The following PRPF38A variants were observed in gnomAD, a reference collection of about 807,000 sequenced individuals.
The protein encoded by PRPF38A is pre-mRNA processing factor 38A, also known as pre-mRNA-splicing factor 38A.
A neutral mutation model predicts 46.8 loss-of-function variants in PRPF38A; 11 were observed. The ratio of observed to expected loss-of-function variants is 0.24; its 90% CI spans 0.15 to 0.39. The LOEUF (loss-of-function observed/expected upper bound fraction) is 0.39, where lower values mean the gene tolerates loss of function less well. Ranked by LOEUF, PRPF38A falls within the 10% of genes least tolerant of loss-of-function variation. PRPF38A has a pLI of 1.00. For synonymous variants in PRPF38A, 124 were observed against 136.2 expected, an observed-to-expected ratio of 0.91 and a Z score of 0.62; for missense variants, 261 against 407.5, an observed-to-expected ratio of 0.64 and a Z score of 3.10.
rs548579850 is a variant in PRPF38A, at chr1:52,409,304, A to G, written c.412+614A>G. ...TACCTTTCCCCCTACATGTATCATT[A>G]AACAGTAGAAGGTTAAGAATTTGGG... On this transcript the variant is annotated intron_variant, in intron 3 of 9. Coordinates refer to ENST00000257181, the MANE Select transcript of PRPF38A (RefSeq NM_032864.4). Among the ~76,000 whole-genome samples the G allele has an allele frequency of 4.6e-5, 7 of 152,356 alleles. No homozygotes were observed. The East Asian group carries it at 1.3e-3, about 29-fold the overall frequency.
At chr1:52,405,399 C>A (rs573540106) in intron 1 of PRPF38A, among the ~76,000 whole-genome samples, 5 of 152,194 alleles carry the variant, frequency 3.3e-5, no homozygotes, top group Non-Finnish European at 7.3e-5. Flanking sequence ...CCTTTCTTAG[C>A]CCTCATTTTC....
At chr1:52,410,105 TATAC>T (rs1474766822) in intron 3 of PRPF38A, among the ~76,000 whole-genome samples, 6 of 148,356 alleles carry the variant, frequency 4.0e-5, no homozygotes, top group East Asian at 1.9e-4. Flanking sequence ...AATATATAAA[TATAC>T]ATAATCATAT....
chr1:52,405,219 T>A (rs1218217402), intron 1 of PRPF38A, among the ~76,000 whole-genome samples: 1 of 152,248 alleles, frequency 6.6e-6, no homozygotes, highest in East Asian at 1.9e-4. Context: ...GACCTAACGT[T>A]AATATGCCTG....
At chr1:52,409,408 T>C (rs1157929130) in intron 3 of PRPF38A, 2 of 152,276 alleles carry the variant, frequency 1.3e-5, no homozygotes, top group East Asian at 3.9e-4. Flanking sequence ...GTCAGGAGTT[T>C]GAGACCAGCC....
In PRPF38A at chr1:52,411,284, C is replaced by T; in HGVS notation, c.498+84C>T. 5 of 945,654 alleles carry T rather than the reference C, an allele frequency of 5.3e-6. No individual in the cohort carries two copies. The South Asian group carries it at 7.0e-5, about 13-fold the overall frequency. The allele number at this position is 945,654 out of a possible 1,614,324, so 58.6% of individuals were successfully genotyped here. On this transcript the variant is annotated intron_variant, in intron 4 of 9. Coordinates refer to ENST00000257181, the MANE Select transcript of PRPF38A (RefSeq NM_032864.4). Reference sequence around the variant, plus strand: ...CAAACACATACACACAGCTTAAACACTGAAGCCTGTGGATCTTATGGGTCC... The same window carrying T: ...CAAACACATACACACAGCTTAAACATTGAAGCCTGTGGATCTTATGGGTCC...
At chr1:52,415,305 TAGGA>T in intron 8 of PRPF38A, 29 bp from the exon 9 acceptor site, 5 of 1,607,172 alleles carry the variant, frequency 3.1e-6, no homozygotes, top group Non-Finnish European at 4.3e-6. Flanking sequence ...AGTAGAAGGG[TAGGA>T]TCTTATGCAA....
chr1:52,406,683 C>T (rs1009734731), intron 2 of PRPF38A, among the ~76,000 whole-genome samples: 6 of 152,170 alleles, frequency 3.9e-5, no homozygotes, highest in African/African-American at 1.4e-4. Context: ...ACCGTATTAC[C>T]GATTCTCGAG....
At position 52,412,569 on chromosome 1, in the gene PRPF38A, A is replaced by T. The variant is rs1648174759; in HGVS notation, c.554A>T (p.Glu185Val). The T allele has an allele frequency of 6.2e-7, 1 of 1,613,752 alleles. No individual in the cohort carries two copies. The highest frequency in any genetic ancestry group is 1.1e-5 in the South Asian group (1 of 91,082). The change falls in exon 5 of 10, where the codon GAA becomes GTA. Residue 185 changes from glutamate (E) to valine (V), a missense_variant. By Grantham distance (121) the Glu-to-Val change is moderately radical. Around this residue, in one of 2 missense-constraint regions of PRPF38A, gnomAD observed 180 missense variants for 221.0 expected, o/e 0.81. Coordinates refer to ENST00000257181, the MANE Select transcript of PRPF38A (RefSeq NM_032864.4). ...CTGGAGCCTCGAGTTAGTGCTCTGG[A>T]AGAGGACATGGATGATGTGGAGTCC... Reference protein sequence around the residue: ...EQLEPRVSALEEDMDDVESSE... With the variant: ...EQLEPRVSALVEDMDDVESSE...
At position 52,419,581 on chromosome 1, in the gene PRPF38A, TG is replaced by T. The variant is rs1350521642; in HGVS notation, c.*2892del. The T allele has an allele frequency of 6.6e-6, 1 of 151,018 alleles. No homozygotes were observed. The highest frequency in any genetic ancestry group is 2.4e-5 in the African/African-American group (1 of 41,010). 9.4% of individuals were successfully genotyped at this position (151,018 alleles called of 1,614,324 possible). On this transcript the variant is annotated 3_prime_UTR_variant, in exon 10 of 10. Coordinates refer to ENST00000257181, the MANE Select transcript of PRPF38A (RefSeq NM_032864.4). The stretch of plus-strand genomic sequence containing the variant: ...ACCTGCTCAAAAAAGACAGCAGACA[TG>T]ATCTCTTTAAAAAAAAAAAGTTCAA...
chr1:52,408,484 A>G, intron 2 of PRPF38A, 85 bp from the exon 3 acceptor site: 2 of 1,561,920 alleles, frequency 1.3e-6, no homozygotes, highest in Non-Finnish European at 1.8e-6. Flanking sequence ...GAACATGTTT[A>G]TCCACTACTG....
chr1:52,408,143 G>C (rs1473090799), intron 2 of PRPF38A: 2 of 315,598 alleles, frequency 6.3e-6, no homozygotes, highest in African/African-American at 4.4e-5. Context: ...TGGAGGCTGA[G>C]GCATGAGAAT....
In PRPF38A at chr1:52,416,863, T is replaced by A; in HGVS notation, c.*173T>A. On this transcript the variant is annotated 3_prime_UTR_variant, in exon 10 of 10. Coordinates refer to ENST00000257181, the MANE Select transcript of PRPF38A (RefSeq NM_032864.4). ...GGTGCTGAGTTTTGTATCTTTTTAATCATAATCAACATCAGTTTTTGACCC... is the reference window on the plus strand; with the variant it reads ...GGTGCTGAGTTTTGTATCTTTTTAAACATAATCAACATCAGTTTTTGACCC... 1 of 623,602 alleles carries A rather than the reference T, an allele frequency of 1.6e-6. No homozygotes were observed. The allele number at this position is 623,602 out of a possible 1,614,324, so 38.6% of individuals were successfully genotyped here.
In PRPF38A at chr1:52,419,202, C is replaced by T. The variant is rs1010728669; in HGVS notation, c.*2512C>T. Reference sequence around the variant, plus strand: ...GAAACCCTGTCTCTACTAAAAAATACAAAATTAGCCGGGCATGGTGGCGCA... The same window carrying T: ...GAAACCCTGTCTCTACTAAAAAATATAAAATTAGCCGGGCATGGTGGCGCA... On this transcript the variant is annotated 3_prime_UTR_variant, in exon 10 of 10. Coordinates refer to ENST00000257181, the MANE Select transcript of PRPF38A (RefSeq NM_032864.4). The T allele has an allele frequency of 5.3e-5, 8 of 152,044 alleles. No homozygotes were observed. Among genetic ancestry groups the T allele is most frequent in the African/African-American group, 1.4e-4 (6 of 41,386 alleles). 9.4% of individuals were successfully genotyped at this position (152,044 alleles called of 1,614,324 possible).
chr1:52,410,645 G>A (rs1648123360), intron 3 of PRPF38A, among the ~76,000 whole-genome samples: 1 of 151,708 alleles, frequency 6.6e-6, no homozygotes, highest in Non-Finnish European at 1.5e-5. Context: ...GGGATTACAT[G>A]TGCCCACCAC....
chr1:52,412,773 G>T (rs1046471252), intron 5 of PRPF38A, 149 bp downstream of exon 5: 4 of 570,512 alleles, frequency 7.0e-6, no homozygotes, highest in Non-Finnish European at 1.2e-5. Flanking sequence ...GCCAAGGCGA[G>T]TGGATGACCA....
rs1297634284 is a variant in PRPF38A at position 52,411,121 on chromosome 1, A to T, written c.419A>T (p.Glu140Val). Reference sequence around the variant, plus strand: ...TAATGACTTTTTCTTGCAGAGTTTGAATTGATGCATGTTGATGAGTTTATT... The same window carrying T: ...TAATGACTTTTTCTTGCAGAGTTTGTATTGATGCATGTTGATGAGTTTATT... The part of the protein sequence containing the change: ...IKSQNRNGEF[E>V]LMHVDEFIDE... Residue 140 changes from glutamate to valine, a missense_variant, in exon 4 of 10, where the codon GAA becomes GTA. By Grantham distance (121) the Glu-to-Val change is moderately radical. Transcript: ENST00000257181. 6.2e-7 allele frequency: 1 copy of T among 1,612,700 alleles called. No homozygotes were observed.
chr1:52,415,868 A>G (rs1569983490), intron 9 of PRPF38A, among the ~76,000 whole-genome samples: 1 of 84,984 alleles, frequency 1.2e-5, no homozygotes, highest in African/African-American at 4.9e-5. Flanking sequence ...TTTGAGACGG[A>G]GTCTCGCTCT....
intron 3 of PRPF38A, among the ~76,000 whole-genome samples, chr1:52,409,773 T>C (rs940736386): frequency 6.6e-6 from 1 of 152,210 alleles, no homozygotes; most frequent in Non-Finnish European, 1.5e-5. Flanking sequence ...TTATTTATTA[T>C]TTTATTACGT....
In PRPF38A at chr1:52,419,550, T is replaced by C. The variant is rs1444237024; in HGVS notation, c.*2860T>C. On this transcript the variant is annotated 3_prime_UTR_variant, in exon 10 of 10. Transcript: ENST00000257181. The stretch of plus-strand genomic sequence containing the variant: ...CTCAAAAAGGTTAATGTGACAGAAA[T>C]TCTCCACCTGCTCAAAAAAGACAGC... 1 of 151,636 alleles carries C rather than the reference T, an allele frequency of 6.6e-6. No individual in the cohort carries two copies. The highest frequency in any genetic ancestry group is 1.9e-4 in the East Asian group (1 of 5,168). The allele number at this position is 151,636 out of a possible 1,614,324, so 9.4% of individuals were successfully genotyped here.
Sources: gnomAD v4.1 joint callset for allele counts (sites outside exome capture counted in the v4.1 genomes callset) on GRCh38, gnomAD v4.1.1 for gene constraint, gnomAD v4.1.1 regional missense constraint, MANE v1.5 for transcripts, NCBI Gene and HGNC (gene_info 2026-07-23, HGNC 2026-07-21) for gene names.